Variants in CTSC observed in about 807,000 individuals in gnomAD.
CTSC encodes the protein dipeptidyl peptidase 1.
Under a neutral mutation model 40.9 loss-of-function variants are expected in CTSC, and 37 were observed. The ratio of observed to expected loss-of-function variants is 0.91; its 90% CI spans 0.70 to 1.19. CTSC has a LOEUF of 1.19. Among genes scored for constraint, CTSC ranks in the 50% most tolerant of loss-of-function variants. CTSC has a pLI of 0.00. For synonymous variants in CTSC, 232 were observed against 207.4 expected, an observed-to-expected ratio of 1.12 and a Z score of -1.02; for missense variants, 594 against 567.3, an observed-to-expected ratio of 1.05 and a Z score of -0.48.
intron 5 of CTSC, chr11:88,298,978 TA>T (rs1404267800): frequency 6.6e-6 from 1 of 152,208 alleles, no homozygotes; most frequent in Non-Finnish European, 1.5e-5. Flanking sequence ...AATGCTTTAT[TA>T]AAGTAGTTAT....
At chr11:88,326,214 G>A (rs1938180792) in intron 2 of CTSC, 1 of 1,403,166 alleles carries the variant, frequency 7.1e-7, no homozygotes, top group African/African-American at 1.4e-5. Context: ...GATGTTTACT[G>A]TTTTCCAAGG....
intron 2 of CTSC, among the ~76,000 whole-genome samples, chr11:88,316,191 G>A (rs990767566): frequency 2.6e-5 from 4 of 152,082 alleles, no homozygotes; most frequent in African/African-American, 9.7e-5. Flanking sequence ...GGTTTTTGAC[G>A]CAGAACAGAA....
At chr11:88,295,927 T>C (rs1944293566) in intron 6 of CTSC, among the ~76,000 whole-genome samples, 1 of 152,174 alleles carries the variant, frequency 6.6e-6, no homozygotes, top group African/African-American at 2.4e-5. Context: ...ACTCAATATA[T>C]AGTAACTATT....
At chr11:88,327,831 C>T (rs1938232834) in intron 2 of CTSC, 1 of 438,620 alleles carries the variant, frequency 2.3e-6, no homozygotes, top group Admixed American at 3.5e-5. Context: ...GGGTCTTTAC[C>T]CTTTTCGGTT....
intron 4 of CTSC, among the ~76,000 whole-genome samples, chr11:88,301,229 A>G (rs1944357391): frequency 6.6e-6 from 1 of 152,150 alleles, no homozygotes; most frequent in African/African-American, 2.4e-5. Context: ...GGGCTTTGTC[A>G]CTTCACTTCA....
rs1937929850 is a variant in CTSC at position 88,318,692 on chromosome 11, A to G, written c.319-6138T>C. ...AGGCTGAGGCGGGTGGATCACCTGA[A>G]GTCGGGATTTTGAGAGCAGCCTCAC... is the stretch of plus-strand genomic sequence containing the variant. On this transcript the variant is annotated intron_variant, in intron 2 of 6. Transcript: ENST00000227266. 2.0e-5 allele frequency among the ~76,000 whole-genome samples: 3 copies of G among 152,310 alleles called. No homozygotes were observed. In the South Asian group the frequency reaches 6.2e-4, roughly 32 times the overall value.
At chr11:88,305,142 T>C (rs1937620280) in intron 4 of CTSC, among the ~76,000 whole-genome samples, 1 of 151,462 alleles carries the variant, frequency 6.6e-6, no homozygotes, top group African/African-American at 2.4e-5. Context: ...TTACCCTCTA[T>C]GGTCTAAAAA....
At chr11:88,329,258 G>A (rs1938274313) in intron 2 of CTSC, among the ~76,000 whole-genome samples, 3 of 151,878 alleles carry the variant, frequency 2.0e-5, no homozygotes, top group Admixed American at 2.0e-4. Flanking sequence ...CAGGCGGGCG[G>A]ATCACTTGGG....
chr11:88,296,128 C>T lies in CTSC; in HGVS notation c.889+5G>A, dbSNP rs769438607. ...CATAAATGGTGTCTGAAATGCAACA[C>T]TTACCTTGAGCATACTGGCTACAAG... On this transcript the variant is annotated splice_donor_5th_base_variant and intron_variant, in intron 6 of 6. Transcript: ENST00000227266. The T allele has an allele frequency of 6.2e-7, 1 of 1,613,766 alleles. No homozygotes were observed. The highest frequency in any genetic ancestry group is 1.7e-5 in the Admixed American group (1 of 60,000).
At chr11:88,295,335 G>T (rs1431442898) in intron 6 of CTSC, among the ~76,000 whole-genome samples, 1 of 151,882 alleles carries the variant, frequency 6.6e-6, no homozygotes, top group African/African-American at 2.4e-5. Flanking sequence ...TTATAGCTGT[G>T]TTTTCGACAT....
At chr11:88,335,209 C>T (rs1938463431) in intron 1 of CTSC, 127 bp from the exon 2 acceptor site, 1 of 703,094 alleles carries the variant, frequency 1.4e-6, no homozygotes, top group Non-Finnish European at 2.5e-6. Context: ...GCACAGTCTG[C>T]CTAGTGAAGA....
At chr11:88,310,339 A>T (rs1268525082) in intron 3 of CTSC, among the ~76,000 whole-genome samples, 1 of 152,184 alleles carries the variant, frequency 6.6e-6, no homozygotes, top group Non-Finnish European at 1.5e-5. Context: ...CAGGAAGCTG[A>T]TTATTCACTT....
chr11:88,316,967 T>C (rs1266280327), intron 2 of CTSC, among the ~76,000 whole-genome samples: 1 of 152,024 alleles, frequency 6.6e-6, no homozygotes, highest in Non-Finnish European at 1.5e-5. Context: ...GTGGTTGTCT[T>C]AATTTTTTTT....
chr11:88,299,844 A>T (rs1944338793), intron 5 of CTSC: 2 of 152,278 alleles, frequency 1.3e-5, no homozygotes, highest in African/African-American at 4.8e-5. Flanking sequence ...ACAACTCAGG[A>T]TAACAAGATA....
chr11:88,309,809 T>TGC (rs371896864), intron 3 of CTSC, among the ~76,000 whole-genome samples: 6 of 125,456 alleles, frequency 4.8e-5, no homozygotes, highest in African/African-American at 9.1e-5. Flanking sequence ...TATATATGTA[T>TGC]GCGCGCACAC....
chr11:88,328,261 G>C (rs1166129350), intron 2 of CTSC: 13 of 1,170,298 alleles, frequency 1.1e-5, no homozygotes, highest in Non-Finnish European at 1.7e-5. Context: ...CATGAAAGAA[G>C]ACATAAAATA....
chr11:88,308,229 G>C (rs963414666), intron 4 of CTSC, among the ~76,000 whole-genome samples: 3 of 152,198 alleles, frequency 2.0e-5, no homozygotes, highest in Non-Finnish European at 2.9e-5. Flanking sequence ...CAGTTTAAAT[G>C]ACAATGGGCC....
intron 2 of CTSC, chr11:88,321,827 G>A (rs1469057385): frequency 1.3e-5 from 2 of 152,118 alleles, no homozygotes; most frequent in Admixed American, 6.5e-5. Flanking sequence ...CTAAATCCTT[G>A]AGGAATCACC....
chr11:88,328,350 TAAAAC>T (rs1344389062), intron 2 of CTSC, among the ~76,000 whole-genome samples: 1 of 152,146 alleles, frequency 6.6e-6, no homozygotes, highest in Non-Finnish European at 1.5e-5. Flanking sequence ...CAAAGTTGTT[TAAAAC>T]AAAACAAAAA....
Sources: gnomAD v4.1 joint callset for allele counts (sites outside exome capture counted in the v4.1 genomes callset) on GRCh38, gnomAD v4.1.1 for gene constraint, MANE v1.5 for transcripts, NCBI Gene and HGNC (gene_info 2026-07-23, HGNC 2026-07-21) for gene names.